MTHFD1L: variants seen among roughly 807,000 people sequenced by gnomAD.
MTHFD1L encodes the protein monofunctional C1-tetrahydrofolate synthase, mitochondrial.
A neutral mutation model predicts 119.5 loss-of-function variants in MTHFD1L; 81 were observed. That is an observed-to-expected ratio of 0.68 (90% confidence interval 0.57 to 0.82). The LOEUF is 0.82. MTHFD1L is among the 40% of genes least tolerant of loss of function. The probability of loss-of-function intolerance (pLI) is 0.00; values close to 1 mark genes in which losing one functional copy is unlikely to be tolerated. For missense variants in MTHFD1L, 1,125 were observed against 1,253.4 expected (o/e 0.90, Z 1.55); for synonymous variants, 430 against 475.2 (o/e 0.90, Z 1.24).
chr6:150,876,459 T>C (rs1374589191), intron 2 of MTHFD1L, among the ~76,000 whole-genome samples: 6 of 152,226 alleles, frequency 3.9e-5, no homozygotes, highest in Admixed American at 3.9e-4. Flanking sequence ...TCGTGGTCCA[T>C]GTGTCCTCAC....
intron 26 of MTHFD1L, among the ~76,000 whole-genome samples, chr6:151,062,473 G>A (rs1790761035): frequency 6.6e-6 from 1 of 152,076 alleles, no homozygotes; most frequent in Admixed American, 6.6e-5. Flanking sequence ...TCTTGTGTCT[G>A]TTTAACAGAT....
intron 19 of MTHFD1L, 136 bp downstream of exon 19, chr6:150,965,173 G>C (rs1371448065): frequency 1.4e-6 from 1 of 711,134 alleles, no homozygotes; most frequent in Non-Finnish European, 2.4e-6. Context: ...GGCAGAAAGA[G>C]TGAGGATCTG....
chr6:150,973,458 T>C (rs1436903523), intron 20 of MTHFD1L, among the ~76,000 whole-genome samples: 1 of 152,138 alleles, frequency 6.6e-6, no homozygotes, highest in East Asian at 1.9e-4. Flanking sequence ...GCTGCCTAAT[T>C]GTAGAGCTAA....
chr6:150,910,096 G>A (rs1050643952), intron 8 of MTHFD1L, among the ~76,000 whole-genome samples: 44 of 151,894 alleles, frequency 2.9e-4, no homozygotes, highest in African/African-American at 9.7e-4. Context: ...CAGGAGAATC[G>A]CTTGAATCCA....
chr6:150,982,225 A>G (rs1245435021), intron 20 of MTHFD1L, among the ~76,000 whole-genome samples: 1 of 152,088 alleles, frequency 6.6e-6, no homozygotes, highest in Non-Finnish European at 1.5e-5. Context: ...ATAATTTAAC[A>G]TGTAAAAAAA....
intron 9 of MTHFD1L, among the ~76,000 whole-genome samples, chr6:150,918,956 A>G (rs942367202): frequency 6.6e-6 from 1 of 152,126 alleles, no homozygotes; most frequent in Non-Finnish European, 1.5e-5. Flanking sequence ...GGCATTTATT[A>G]TCTCACAGTT....
intron 13 of MTHFD1L, among the ~76,000 whole-genome samples, chr6:150,941,510 A>C (rs1043354916): frequency 1.3e-5 from 2 of 152,212 alleles, no homozygotes; most frequent in African/African-American, 4.8e-5. Flanking sequence ...ATCCAGGAGG[A>C]AGACTATGGA....
At chr6:150,928,217 C>G (rs2128914893) in intron 11 of MTHFD1L, among the ~76,000 whole-genome samples, 1 of 152,034 alleles carries the variant, frequency 6.6e-6, no homozygotes, top group South Asian at 2.1e-4. Context: ...AGGTGGATCA[C>G]AAGGTCAGGA....
intron 1 of MTHFD1L, chr6:150,866,606 C>A: frequency 2.5e-6 from 3 of 1,216,426 alleles, no homozygotes; most frequent in Non-Finnish European, 3.1e-6. Flanking sequence ...GGGTCTGTGG[C>A]TGACGTCCGC....
At chr6:151,041,717 C>A in intron 26 of MTHFD1L, 1 of 485,620 alleles carries the variant, frequency 2.1e-6, no homozygotes. Context: ...ACCATACAGG[C>A]ACAGAATGCG....
chr6:150,956,078 G>C lies in MTHFD1L; in HGVS notation c.1803+7G>C, dbSNP rs377471367. 1 of 1,612,402 alleles carries C rather than the reference G, an allele frequency of 6.2e-7. No homozygotes were observed. Among genetic ancestry groups the C allele is most frequent in the African/African-American group, 1.3e-5 (1 of 74,888 alleles). ...GAAGGGCCATTACCGGCAGGTAGGT[G>C]GTGCTTTCTTCCCGGGTGTGGCTCT... On this transcript the variant is annotated splice_region_variant and intron_variant, in intron 17 of 27. Transcript: ENST00000367321.
At chr6:150,940,173 G>T (rs1317473970) in intron 13 of MTHFD1L, among the ~76,000 whole-genome samples, 3 of 152,056 alleles carry the variant, frequency 2.0e-5, no homozygotes, top group African/African-American at 7.2e-5. Context: ...GGCCTTTCTT[G>T]AGGTCTCAGG....
intron 24 of MTHFD1L, among the ~76,000 whole-genome samples, chr6:151,024,090 G>T (rs531073419): frequency 6.6e-6 from 1 of 152,220 alleles, no homozygotes; most frequent in Non-Finnish European, 1.5e-5. Flanking sequence ...CCCAGTCTCT[G>T]AGAGGTTGGG....
At chr6:150,877,298 C>A (rs1451888617) in intron 2 of MTHFD1L, among the ~76,000 whole-genome samples, 1 of 152,176 alleles carries the variant, frequency 6.6e-6, no homozygotes, top group Non-Finnish European at 1.5e-5. Flanking sequence ...AGCAATCCAC[C>A]GCCTCAGCCT....
At chr6:150,973,605 C>T (rs928557538) in intron 20 of MTHFD1L, among the ~76,000 whole-genome samples, 2 of 152,138 alleles carry the variant, frequency 1.3e-5, no homozygotes, top group Non-Finnish European at 2.9e-5. Context: ...GAGATCTCTG[C>T]CCATACCAGT....
chr6:150,897,413 T>C (rs1266896105), intron 7 of MTHFD1L, among the ~76,000 whole-genome samples: 1 of 152,202 alleles, frequency 6.6e-6, no homozygotes, highest in Non-Finnish European at 1.5e-5. Flanking sequence ...CTCATAGATA[T>C]AATAGTATAA....
chr6:151,017,009 C>T (rs559997016), intron 24 of MTHFD1L, among the ~76,000 whole-genome samples: 12 of 149,938 alleles, frequency 8.0e-5, no homozygotes, highest in South Asian at 2.1e-4. Context: ...TCCTGAGCTC[C>T]GGCAGTCCAC....
chr6:150,865,899 G>A lies in MTHFD1L; in HGVS notation c.77G>A (p.Arg26His). Residue 26 changes from arginine to histidine, a missense_variant, in exon 1 of 28, where the codon CGT becomes CAT. By Grantham distance (29) the Arg-to-His change is conservative. Around this residue, in one of 3 missense-constraint regions of MTHFD1L, gnomAD observed 1,058 missense variants for 1,151.2 expected, o/e 0.92. Transcript: ENST00000367321. ...CCCCCGGGCCCTCCGCGCCGCCTCCGTGTGCCCTGTCGCGCTAGCAGCGGC... is the reference window on the plus strand; with the variant it reads ...CCCCCGGGCCCTCCGCGCCGCCTCCATGTGCCCTGTCGCGCTAGCAGCGGC... ...PQPPGPPRRL[R>H]VPCRASSGGG... 2.5e-6 allele frequency: 3 copies of A among 1,197,858 alleles called. No homozygotes were observed. Among genetic ancestry groups the A allele is most frequent in the South Asian group, 3.8e-5 (1 of 26,220 alleles). 74.2% of individuals were successfully genotyped at this position (1,197,858 alleles called of 1,614,324 possible).
chr6:150,924,788 A>C (rs571308705), intron 10 of MTHFD1L, among the ~76,000 whole-genome samples: 2 of 152,358 alleles, frequency 1.3e-5, no homozygotes, highest in East Asian at 3.9e-4. Flanking sequence ...AAAAGCTTAC[A>C]CATTGTTCAA....
Sources: allele counts gnomAD v4.1 joint callset (sites outside exome capture counted in the v4.1 genomes callset), GRCh38; gene constraint gnomAD v4.1.1; regional missense constraint gnomAD v4.1.1; transcripts MANE v1.5; gene names NCBI Gene and HGNC (gene_info 2026-07-23, HGNC 2026-07-21).